The following MAP3K9 variants were observed in gnomAD, a reference collection of about 807,000 sequenced individuals.
MAP3K9 encodes the protein mitogen-activated protein kinase kinase kinase 9, also known as mixed lineage kinase 1 (tyr and ser/thr specificity).
In MAP3K9, 46 loss-of-function variants were observed where a neutral mutation model predicts 95.8. The ratio of observed to expected loss-of-function variants is 0.48; its 90% CI spans 0.38 to 0.61. The LOEUF (loss-of-function observed/expected upper bound fraction) is 0.61, where lower values mean the gene tolerates loss of function less well. Among genes scored for constraint, MAP3K9 ranks in the 20% least tolerant of loss-of-function variants. The pLI, the probability that MAP3K9 is intolerant of heterozygous loss-of-function variation, is 0.00. For synonymous variants in MAP3K9, 533 were observed against 593.8 expected, an observed-to-expected ratio of 0.90 and a Z score of 1.49; for missense variants, 1,296 against 1,474.3, an observed-to-expected ratio of 0.88 and a Z score of 1.98.
intron 4 of MAP3K9, 31 bp from the exon 5 acceptor site, chr14:70,749,035 A>G: frequency 6.3e-7 from 1 of 1,593,426 alleles, no homozygotes; most frequent in Non-Finnish European, 8.6e-7. Flanking sequence ...CTCAGAAAGC[A>G]TGAATGGACA....
chr14:70,800,113 T>C (rs980722510), intron 2 of MAP3K9, among the ~76,000 whole-genome samples: 1 of 152,206 alleles, frequency 6.6e-6, no homozygotes, highest in African/African-American at 2.4e-5. Context: ...ATTTAATTAA[T>C]ACCACCCTTG....
intron 5 of MAP3K9, among the ~76,000 whole-genome samples, chr14:70,742,911 T>TTATATATATATATATA (rs3081458): frequency 7.0e-6 from 1 of 143,114 alleles, no homozygotes; most frequent in African/African-American, 2.6e-5. Flanking sequence ...TTATATATAT[T>TTATATATATATATATA]TATATATATA....
At chr14:70,743,233 C>T (rs111729880) in intron 5 of MAP3K9, among the ~76,000 whole-genome samples, 6,337 of 152,168 alleles carry the variant, frequency 0.042, 136 homozygotes, top group East Asian at 0.093. Flanking sequence ...AGTGATCCAT[C>T]GGCCTCAGCC....
At position 70,730,058 on chromosome 14, in the gene MAP3K9, A is replaced by C. The variant is rs2053872254; in HGVS notation, c.*322T>G. ...TGGCTGAGGAGAGGGAGCAGCAGAC[A>C]GATTTGGCTGAGTGACTCTGCAGGG... On this transcript the variant is annotated 3_prime_UTR_variant, in exon 12 of 12. Coordinates refer to ENST00000554752, the MANE Select transcript of MAP3K9 (RefSeq NM_001284230.2). 3.4e-6 allele frequency: 1 copy of C among 297,308 alleles called. No homozygotes were observed. The highest frequency in any genetic ancestry group is 6.4e-6 in the Non-Finnish European group (1 of 157,466). The allele number at this position is 297,308 out of a possible 1,614,324, so 18.4% of individuals were successfully genotyped here.
intron 3 of MAP3K9, chr14:70,753,029 A>G (rs528286144): frequency 3.3e-5 from 5 of 152,258 alleles, no homozygotes; most frequent in Non-Finnish European, 7.3e-5. Flanking sequence ...AGTAGGCAGA[A>G]TGCTACCAGA....
At chr14:70,750,987 T>C (rs1388176293) in intron 3 of MAP3K9, among the ~76,000 whole-genome samples, 1 of 152,224 alleles carries the variant, frequency 6.6e-6, no homozygotes, top group Non-Finnish European at 1.5e-5. Context: ...CTATAAAAGA[T>C]TTCTTTAAAT....
In MAP3K9 at chr14:70,730,239, T is replaced by C; in HGVS notation, c.*141A>G. 7.8e-7 allele frequency: 1 copy of C among 1,280,568 alleles called. No individual in the cohort carries two copies. The highest frequency in any genetic ancestry group is 1.5e-5 in the South Asian group (1 of 65,902). The allele number at this position is 1,280,568 out of a possible 1,614,324, so 79.3% of individuals were successfully genotyped here. ...ACCCTCTGAAGTGGCCCTGTTTCCATCCCTTCCATCTTCAAAGTGCATTAT... is the reference window on the plus strand; with the variant it reads ...ACCCTCTGAAGTGGCCCTGTTTCCACCCCTTCCATCTTCAAAGTGCATTAT... On this transcript the variant is annotated 3_prime_UTR_variant, in exon 12 of 12. Coordinates refer to ENST00000554752, the MANE Select transcript of MAP3K9 (RefSeq NM_001284230.2).
At chr14:70,731,355 A>C (rs11621251) in intron 11 of MAP3K9, among the ~76,000 whole-genome samples, 34,071 of 151,918 alleles carry the variant, frequency 0.22, 3,973 homozygotes, top group East Asian at 0.34. Flanking sequence ...AGGCTGAGGC[A>C]AGAGGATCAC....
intron 5 of MAP3K9, among the ~76,000 whole-genome samples, chr14:70,743,374 TA>T (rs923780781): frequency 1.3e-5 from 2 of 152,110 alleles, no homozygotes; most frequent in African/African-American, 4.8e-5. Context: ...CTAATTAAAC[TA>T]AAGAGCTTCT....
intron 9 of MAP3K9, among the ~76,000 whole-genome samples, chr14:70,735,545 C>T (rs192402212): frequency 1.6e-4 from 25 of 152,220 alleles, no homozygotes; most frequent in African/African-American, 6.0e-4. Context: ...TGGTTTCAAC[C>T]AAAATATAGT....
chr14:70,738,030 T>C (rs1294799909), intron 8 of MAP3K9, among the ~76,000 whole-genome samples: 1 of 152,178 alleles, frequency 6.6e-6, no homozygotes, highest in East Asian at 1.9e-4. Context: ...CTAAAATATG[T>C]ATTATCTGGC....
chr14:70,776,543 A>G (rs1344408827), intron 2 of MAP3K9, among the ~76,000 whole-genome samples: 1 of 152,230 alleles, frequency 6.6e-6, no homozygotes, highest in Non-Finnish European at 1.5e-5. Context: ...TGGGAGAGCT[A>G]GGAACCAAAA....
chr14:70,804,720 T>G (rs992566451), intron 1 of MAP3K9, among the ~76,000 whole-genome samples: 6 of 152,164 alleles, frequency 3.9e-5, no homozygotes, highest in African/African-American at 1.2e-4. Context: ...AAAGACATGA[T>G]TCAGTACTAG....
chr14:70,749,213 A>G (rs528809520), intron 4 of MAP3K9, among the ~76,000 whole-genome samples: 34 of 152,344 alleles, frequency 2.2e-4, no homozygotes, highest in Admixed American at 2.1e-3. Context: ...TGGAAATGAA[A>G]TGCAGCAGTT....
intron 2 of MAP3K9, among the ~76,000 whole-genome samples, chr14:70,765,644 A>G (rs1352243513): frequency 3.3e-5 from 5 of 152,020 alleles, no homozygotes; most frequent in Admixed American, 3.3e-4. Flanking sequence ...TGGAAACAGC[A>G]GACTACACCA....
chr14:70,760,249 T>C (rs2054354820), intron 3 of MAP3K9, among the ~76,000 whole-genome samples: 1 of 152,018 alleles, frequency 6.6e-6, no homozygotes, highest in Non-Finnish European at 1.5e-5. Flanking sequence ...CAGTCCTTTC[T>C]TTTGTATACT....
chr14:70,806,694 C>T (rs1173321870), intron 1 of MAP3K9, among the ~76,000 whole-genome samples: 1 of 152,318 alleles, frequency 6.6e-6, no homozygotes, highest in South Asian at 2.1e-4. Flanking sequence ...CTAAGTCATA[C>T]TGACTCTTGA....
At position 70,809,394 on chromosome 14, in the gene MAP3K9, G is replaced by A. The variant is rs1367132950; in HGVS notation, c.-223C>T. On this transcript the variant is annotated 5_prime_UTR_variant, in exon 1 of 12. Transcript: ENST00000554752. ...TCTTCGCGCAGCCTAGGGGCGCAGC[G>A]GGCCGAGTCCCCGCCTGCCCGCTCG... 4 of 464,392 alleles carry A rather than the reference G, an allele frequency of 8.6e-6. No individual in the cohort carries two copies. Among genetic ancestry groups the A allele is most frequent in the Non-Finnish European group, 6.8e-6 (2 of 293,600 alleles). The allele number at this position is 464,392 out of a possible 1,614,324, so 28.8% of individuals were successfully genotyped here. A position where few individuals can be genotyped will look rare whatever the true frequency, so the allele number is the denominator to read the frequency against.
At chr14:70,744,001 T>C (rs1249954532) in intron 5 of MAP3K9, among the ~76,000 whole-genome samples, 1 of 152,166 alleles carries the variant, frequency 6.6e-6, no homozygotes, top group Non-Finnish European at 1.5e-5. Flanking sequence ...GTGGCACATA[T>C]ATACCATGAT....
Sources: allele counts gnomAD v4.1 joint callset (sites outside exome capture counted in the v4.1 genomes callset), GRCh38; gene constraint gnomAD v4.1.1; transcripts MANE v1.5; gene names NCBI Gene and HGNC (gene_info 2026-07-23, HGNC 2026-07-21).